The following CSGALNACT1 variants were observed in gnomAD, a reference collection of about 807,000 sequenced individuals.
CSGALNACT1 encodes the protein beta4GalNAcT-1.
In CSGALNACT1, 52 loss-of-function variants were observed where a neutral mutation model predicts 51.0. The observed-to-expected ratio is 1.02, with a 90% CI of 0.82 to 1.29. CSGALNACT1 has a LOEUF of 1.29. CSGALNACT1 is among the 50% of genes most tolerant of loss of function. CSGALNACT1 has a pLI of 0.00. For synonymous variants in CSGALNACT1, 341 were observed against 254.4 expected, an observed-to-expected ratio of 1.34 and a Z score of -3.24; for missense variants, 935 against 679.2, an observed-to-expected ratio of 1.38 and a Z score of -4.19.
chr8:19,517,812 C>T (rs1410466891), intron 3 of CSGALNACT1, among the ~76,000 whole-genome samples: 1 of 152,166 alleles, frequency 6.6e-6, no homozygotes, highest in African/African-American at 2.4e-5. Context: ...AGGTCCCTCC[C>T]ACAACATGTG....
At chr8:19,681,925 C>T (rs1211136832) in intron 1 of CSGALNACT1, among the ~76,000 whole-genome samples, 1 of 152,212 alleles carries the variant, frequency 6.6e-6, no homozygotes, top group Non-Finnish European at 1.5e-5. Flanking sequence ...CCTGGGCCTG[C>T]TGCTTTACCT....
At chr8:19,637,486 T>TTGATTATTCCCCCCGAAGGC (rs2056228025) in intron 1 of CSGALNACT1, among the ~76,000 whole-genome samples, 1 of 152,232 alleles carries the variant, frequency 6.6e-6, no homozygotes, top group South Asian at 2.1e-4. Flanking sequence ...CTGTTAGGTC[T>TTGATTATTCCCCCCGAAGGC]TGATTATTCC....
intron 5 of CSGALNACT1, among the ~76,000 whole-genome samples, chr8:19,442,045 G>A (rs996452072): frequency 2.6e-5 from 4 of 152,154 alleles, no homozygotes; most frequent in African/African-American, 7.2e-5. Context: ...TTAGAATGGT[G>A]ATCATTAAAA....
intron 2 of CSGALNACT1, among the ~76,000 whole-genome samples, chr8:19,593,703 G>T (rs188612546): frequency 1.3e-5 from 2 of 152,326 alleles, no homozygotes; most frequent in African/African-American, 4.8e-5. Flanking sequence ...CAGAGAAAAA[G>T]ATCCTTGAGG....
At chr8:19,414,264 C>T (rs1434454109) in intron 8 of CSGALNACT1, among the ~76,000 whole-genome samples, 1 of 152,178 alleles carries the variant, frequency 6.6e-6, no homozygotes, top group Non-Finnish European at 1.5e-5. Flanking sequence ...ATTTAGAAAC[C>T]TATCTCTGGC....
At chr8:19,445,476 G>A (rs73585526) in intron 5 of CSGALNACT1, among the ~76,000 whole-genome samples, 38 of 152,300 alleles carry the variant, frequency 2.5e-4, no homozygotes, top group African/African-American at 8.7e-4. Flanking sequence ...GTGACTAGGT[G>A]AGGCGTCTTA....
At chr8:19,643,020 G>A (rs1349981201) in intron 1 of CSGALNACT1, among the ~76,000 whole-genome samples, 1 of 151,972 alleles carries the variant, frequency 6.6e-6, no homozygotes, top group Non-Finnish European at 1.5e-5. Flanking sequence ...CCTTCTGGAT[G>A]GGAGATTTTC....
intron 1 of CSGALNACT1, among the ~76,000 whole-genome samples, chr8:19,635,472 G>A (rs2154172871): frequency 6.6e-6 from 1 of 152,310 alleles, no homozygotes; most frequent in South Asian, 2.1e-4. Context: ...CCGCATACAT[G>A]TGGCATCTGT....
chr8:19,756,401 C>A (rs1298561437), intron 1 of CSGALNACT1, among the ~76,000 whole-genome samples: 1 of 152,226 alleles, frequency 6.6e-6, no homozygotes, highest in African/African-American at 2.4e-5. Context: ...CCGAGGCTCA[C>A]TGTTTTGGCA....
intron 1 of CSGALNACT1, among the ~76,000 whole-genome samples, chr8:19,634,541 A>G (rs1253741359): frequency 5.3e-5 from 8 of 152,184 alleles, no homozygotes; most frequent in Admixed American, 4.6e-4. Context: ...GCACACCGGT[A>G]GTCCCAGCTA....
chr8:19,740,226 C>T (rs1184153474), intron 1 of CSGALNACT1, among the ~76,000 whole-genome samples: 2 of 152,174 alleles, frequency 1.3e-5, no homozygotes, highest in African/African-American at 2.4e-5. Context: ...CAAATCTCTC[C>T]AACACGCTTG....
chr8:19,465,181 C>T (rs544712200), intron 4 of CSGALNACT1, among the ~76,000 whole-genome samples: 3 of 152,272 alleles, frequency 2.0e-5, no homozygotes, highest in Admixed American at 6.5e-5. Context: ...CATGGAAATT[C>T]GGATACATGC....
At chr8:19,743,887 C>T (rs991413425) in intron 1 of CSGALNACT1, among the ~76,000 whole-genome samples, 1 of 152,094 alleles carries the variant, frequency 6.6e-6, no homozygotes, top group African/African-American at 2.4e-5. Context: ...CATAATTTCT[C>T]TTAATGGCCC....
At chr8:19,695,792 T>A (rs1350086632) in intron 1 of CSGALNACT1, among the ~76,000 whole-genome samples, 1 of 151,890 alleles carries the variant, frequency 6.6e-6, no homozygotes, top group Non-Finnish European at 1.5e-5. Context: ...CAAAAAGGAG[T>A]CAAAAGCTTT....
intron 1 of CSGALNACT1, among the ~76,000 whole-genome samples, chr8:19,634,823 A>G (rs1283369016): frequency 6.6e-6 from 1 of 152,212 alleles, no homozygotes; most frequent in Non-Finnish European, 1.5e-5. Context: ...TAGACCTATG[A>G]GAAAATTCTC....
At chr8:19,450,080 A>AAC (rs2062833254) in intron 5 of CSGALNACT1, among the ~76,000 whole-genome samples, 2 of 36,500 alleles carry the variant, frequency 5.5e-5, no homozygotes, top group Non-Finnish European at 5.1e-5. Flanking sequence ...GAGGGGGAGG[A>AAC]GGGGGAGGAG....
At chr8:19,670,650 C>CAAAAAAAAAAAAAAAAAAAAAAAA (rs752256046) in intron 1 of CSGALNACT1, among the ~76,000 whole-genome samples, 2 of 92,848 alleles carry the variant, frequency 2.2e-5, no homozygotes, top group Non-Finnish European at 3.8e-5. Context: ...CTACTGAAGA[C>CAAAAAAAAAAAAAAAAAAAAAAAA]AAAAAAAAAA....
intron 3 of CSGALNACT1, among the ~76,000 whole-genome samples, chr8:19,540,611 G>C (rs1270407815): frequency 6.6e-6 from 1 of 152,190 alleles, no homozygotes; most frequent in African/African-American, 2.4e-5. Context: ...TGGTGGGCCA[G>C]GTTCTTTGTG....
In CSGALNACT1 at chr8:19,561,340, G is replaced by A. The variant is rs539887651; in HGVS notation, c.-297+29820C>T. ...ATAATGAAAATGACAGAAAACAAAC[G>A]TGTAAATTTCAGAGCTTGATTTGGA... On this transcript the variant is annotated intron_variant, in intron 3 of 9. Transcript: ENST00000454498. Among the ~76,000 whole-genome samples the A allele has an allele frequency of 3.9e-5, 6 of 152,268 alleles. No homozygotes were observed. In the South Asian group the frequency reaches 6.2e-4, roughly 16 times the overall value.
Sources: allele counts gnomAD v4.1 joint callset (sites outside exome capture counted in the v4.1 genomes callset), GRCh38; gene constraint gnomAD v4.1.1; transcripts MANE v1.5; gene names NCBI Gene and HGNC (gene_info 2026-07-23, HGNC 2026-07-21).